The following ACACA variants were observed in gnomAD, a reference collection of about 807,000 sequenced individuals.
ACACA encodes the protein acetyl-CoA carboxylase alpha, also known as acetyl-CoA carboxylase 1.
In ACACA, 103 loss-of-function variants were observed where a neutral mutation model predicts 296.1. The ratio of observed to expected loss-of-function variants is 0.35; its 90% CI spans 0.30 to 0.41. The LOEUF is 0.41. Among genes scored for constraint, ACACA ranks in the 10% least tolerant of loss-of-function variants. ACACA has a pLI of 1.00. For synonymous variants in ACACA, 953 were observed against 1,038.6 expected, an observed-to-expected ratio of 0.92 and a Z score of 1.58; for missense variants, 1,554 against 2,989.7, an observed-to-expected ratio of 0.52 and a Z score of 11.20.
chr17:37,371,054 G>A (rs2049786428), intron 1 of ACACA, among the ~76,000 whole-genome samples: 1 of 151,636 alleles, frequency 6.6e-6, no homozygotes. Flanking sequence ...TATTTTTAGT[G>A]ATACATATAT....
chr17:37,124,824 C>T (rs1013968018), intron 48 of ACACA, among the ~76,000 whole-genome samples: 5 of 152,208 alleles, frequency 3.3e-5, no homozygotes, highest in African/African-American at 1.2e-4. Flanking sequence ...TGGAGGCGTG[C>T]TGACCTGCTG....
At chr17:37,306,056 C>T (rs2083871231) in intron 3 of ACACA, among the ~76,000 whole-genome samples, 1 of 151,694 alleles carries the variant, frequency 6.6e-6, no homozygotes, top group South Asian at 2.1e-4. Context: ...CTACAGGTGC[C>T]CGCCACCATG....
chr17:37,305,372 T>C (rs1381497984), intron 3 of ACACA, among the ~76,000 whole-genome samples: 15 of 152,202 alleles, frequency 9.9e-5, no homozygotes. Context: ...TCTTTTTATT[T>C]CTTGGTTTTA....
intron 3 of ACACA, among the ~76,000 whole-genome samples, chr17:37,291,143 TACACACAC>T (rs71159701): frequency 2.9e-5 from 4 of 136,874 alleles, no homozygotes; most frequent in African/African-American, 1.1e-4. Flanking sequence ...GAAAAACACA[TACACACAC>T]ACACACACAC....
intron 3 of ACACA, among the ~76,000 whole-genome samples, chr17:37,322,804 C>T (rs181475926): frequency 2.2e-4 from 34 of 152,290 alleles, no homozygotes; most frequent in African/African-American, 7.0e-4. Flanking sequence ...GAGAAGAGTC[C>T]GGCCTCCAGG....
intron 1 of ACACA, among the ~76,000 whole-genome samples, chr17:37,397,051 C>T (rs989924882): frequency 4.6e-5 from 7 of 151,750 alleles, no homozygotes; most frequent in South Asian, 2.1e-4. Flanking sequence ...CCCCACCCCA[C>T]GACAGGCGCT....
At chr17:37,168,361 A>G (rs971643955) in intron 41 of ACACA, among the ~76,000 whole-genome samples, 2 of 152,072 alleles carry the variant, frequency 1.3e-5, no homozygotes, top group African/African-American at 4.8e-5. Flanking sequence ...CATTCTCCAA[A>G]TTTTCTTTTT....
intron 23 of ACACA, 136 bp downstream of exon 23, chr17:37,241,817 C>T (rs890599558): frequency 1.4e-6 from 1 of 706,822 alleles, no homozygotes; most frequent in African/African-American, 1.8e-5. Flanking sequence ...TTAGAAAAGA[C>T]AAGGTACTTT....
chr17:37,373,765 C>A (rs116684231), intron 1 of ACACA, among the ~76,000 whole-genome samples: 3 of 152,096 alleles, frequency 2.0e-5, no homozygotes, highest in African/African-American at 4.8e-5. Flanking sequence ...CATCTAGGAA[C>A]TAATGTACAG....
intron 1 of ACACA, among the ~76,000 whole-genome samples, chr17:37,359,276 G>A (rs1471716356): frequency 1.3e-5 from 2 of 152,174 alleles, no homozygotes; most frequent in East Asian, 3.9e-4. Context: ...CGCTGCCAGG[G>A]CCGCCGGGGG....
chr17:37,202,808 A>T (rs1207914148), intron 33 of ACACA, among the ~76,000 whole-genome samples: 5 of 150,048 alleles, frequency 3.3e-5, no homozygotes, highest in Admixed American at 2.0e-4. Context: ...CTATGCTTAG[A>T]GTGTCAGCAC....
intron 3 of ACACA, among the ~76,000 whole-genome samples, chr17:37,287,060 C>T (rs910370955): frequency 6.6e-6 from 1 of 152,154 alleles, no homozygotes; most frequent in African/African-American, 2.4e-5. Flanking sequence ...TGCACCTTGA[C>T]TGATAGACCC....
intron 45 of ACACA, among the ~76,000 whole-genome samples, chr17:37,131,866 A>C (rs774470905): frequency 6.6e-5 from 10 of 152,256 alleles, no homozygotes; most frequent in African/African-American, 9.6e-5. Flanking sequence ...AAGCCTTTAC[A>C]GGCAGCCCCA....
intron 45 of ACACA, among the ~76,000 whole-genome samples, chr17:37,144,981 A>T (rs2075752167): frequency 6.6e-6 from 1 of 152,150 alleles, no homozygotes; most frequent in African/African-American, 2.4e-5. Context: ...ATTTCTCTGG[A>T]TAGAGAATGT....
intron 25 of ACACA, among the ~76,000 whole-genome samples, chr17:37,232,593 C>T (rs1012991392): frequency 2.6e-5 from 4 of 152,088 alleles, no homozygotes; most frequent in African/African-American, 9.7e-5. Context: ...CAGAAAAGAG[C>T]ACCGTCTTGA....
intron 38 of ACACA, among the ~76,000 whole-genome samples, 178 bp from the exon 39 acceptor site, chr17:37,188,658 A>C (rs1389881163): frequency 6.6e-6 from 1 of 152,164 alleles, no homozygotes; most frequent in Non-Finnish European, 1.5e-5. Flanking sequence ...TCTTGGAACA[A>C]GTCAGGGACA....
At chr17:37,389,605 T>C (rs556643688) in intron 1 of ACACA, among the ~76,000 whole-genome samples, 26 of 151,932 alleles carry the variant, frequency 1.7e-4, no homozygotes, top group Admixed American at 9.2e-4. Flanking sequence ...GAGAATCGCT[T>C]GAACCTGGGA....
At chr17:37,369,238 T>C (rs1461807608) in intron 1 of ACACA, 2 of 152,164 alleles carry the variant, frequency 1.3e-5, no homozygotes, top group Non-Finnish European at 2.9e-5. Context: ...CTCATGCCTA[T>C]AATTCTAGCA....
chr17:37,217,022 GGAGGCC>G (rs2079029262), intron 29 of ACACA, among the ~76,000 whole-genome samples: 1 of 151,888 alleles, frequency 6.6e-6, no homozygotes, highest in African/African-American at 2.4e-5. Context: ...CAGCACTTTG[GGAGGCC>G]GAGGCAGGTA....
Sources: gnomAD v4.1 joint callset for allele counts (sites outside exome capture counted in the v4.1 genomes callset) on GRCh38, gnomAD v4.1.1 for gene constraint, MANE v1.5 for transcripts, NCBI Gene and HGNC (gene_info 2026-07-23, HGNC 2026-07-21) for gene names.